Variants in GLG1 observed in about 807,000 individuals in gnomAD.
GLG1 encodes Golgi apparatus protein 1.
Under a neutral mutation model 160.5 loss-of-function variants are expected in GLG1, and 38 were observed. The ratio of observed to expected loss-of-function variants is 0.24; its 90% CI spans 0.18 to 0.31. The LOEUF (loss-of-function observed/expected upper bound fraction) is 0.31. Ranked by LOEUF, GLG1 falls within the 10% of genes least tolerant of loss-of-function variation. The pLI, the probability that GLG1 is intolerant of heterozygous loss-of-function variation, is 1.00. For synonymous variants in GLG1, 644 were observed against 543.4 expected (o/e 1.19, Z -2.57); for missense variants, 1,373 against 1,505.2 (o/e 0.91, Z 1.45).
chr16:74,556,223 T>G (rs1472975805), intron 1 of GLG1, among the ~76,000 whole-genome samples: 1 of 152,146 alleles, frequency 6.6e-6, no homozygotes, highest in Non-Finnish European at 1.5e-5. Context: ...TATAACAAAG[T>G]GAAATAGTCC....
At chr16:74,606,142 C>G (rs1028223487) in intron 1 of GLG1, among the ~76,000 whole-genome samples, 4 of 152,160 alleles carry the variant, frequency 2.6e-5, no homozygotes, top group Non-Finnish European at 5.9e-5. Flanking sequence ...TACAACTGAC[C>G]AAAGGAAGTG....
chr16:74,487,910 A>G (rs2015848883), intron 8 of GLG1, among the ~76,000 whole-genome samples: 1 of 151,902 alleles, frequency 6.6e-6, no homozygotes, highest in Non-Finnish European at 1.5e-5. Flanking sequence ...GAACTGCTAC[A>G]TGATTATACA....
intron 3 of GLG1, among the ~76,000 whole-genome samples, chr16:74,507,226 G>A (rs1364840852): frequency 1.3e-5 from 2 of 152,108 alleles, no homozygotes; most frequent in Non-Finnish European, 2.9e-5. Flanking sequence ...TACAAAACTA[G>A]AACACCCCAA....
intron 1 of GLG1, among the ~76,000 whole-genome samples, chr16:74,583,717 A>T (rs1957986921): frequency 6.6e-6 from 1 of 152,068 alleles, no homozygotes; most frequent in Non-Finnish European, 1.5e-5. Flanking sequence ...AAATTCTATC[A>T]TTCCTTCAGC....
intron 1 of GLG1, among the ~76,000 whole-genome samples, chr16:74,590,370 C>T (rs570374371): frequency 6.6e-6 from 1 of 151,978 alleles, no homozygotes; most frequent in Non-Finnish European, 1.5e-5. Context: ...GTAATCCCAG[C>T]ACTCTGGGAG....
chr16:74,539,053 C>T (rs2017762350), intron 1 of GLG1, among the ~76,000 whole-genome samples: 1 of 151,098 alleles, frequency 6.6e-6, no homozygotes, highest in Non-Finnish European at 1.5e-5. Flanking sequence ...TGAAAAGGCA[C>T]ATTCTGTGCC....
In GLG1 at chr16:74,493,011, G is replaced by A; in HGVS notation, c.1180C>T (p.Arg394Cys). Reference protein sequence around the residue: ...RCNVENLPRSREARLSYLLMC... With the variant: ...RCNVENLPRSCEARLSYLLMC... ...AACAAGTAGGAGAGCCTGGCTTCAC[G>A]CGATCGCGGAAGGTTTTCCACATTG... The change falls in exon 7 of 26, where the codon CGT becomes TGT. Residue 394 changes from arginine to cysteine, a missense_variant. Arg to Cys is a radical substitution (Grantham distance 180). This residue lies in a region of GLG1 where 386 missense variants were observed against 388.5 expected (regional missense o/e 0.99). Transcript: ENST00000422840. 3 of 1,613,690 alleles carry A rather than the reference G, an allele frequency of 1.9e-6. No homozygotes were observed. The highest frequency in any genetic ancestry group is 2.5e-6 in the Non-Finnish European group (3 of 1,179,768).
At chr16:74,568,394 AGAAGTAT>A (rs2018720165) in intron 1 of GLG1, among the ~76,000 whole-genome samples, 1 of 95,840 alleles carries the variant, frequency 1.0e-5, no homozygotes, top group Non-Finnish European at 1.9e-5. Context: ...TAAAGCAGAA[AGAAGTAT>A]CAGAATAATT....
At chr16:74,460,919 A>G (rs1284359146) in intron 22 of GLG1, among the ~76,000 whole-genome samples, 1 of 152,258 alleles carries the variant, frequency 6.6e-6, no homozygotes, top group Admixed American at 6.5e-5. Context: ...TCTCAACTTG[A>G]AAGTGTGCAC....
At chr16:74,538,213 C>T (rs2017738670) in intron 1 of GLG1, among the ~76,000 whole-genome samples, 1 of 149,876 alleles carries the variant, frequency 6.7e-6, no homozygotes. Context: ...AGTATCAGTG[C>T]TTTTACAGCC....
At chr16:74,483,274 A>G in intron 9 of GLG1, 150 bp from the exon 10 acceptor site, 1 of 596,672 alleles carries the variant, frequency 1.7e-6, no homozygotes, top group Non-Finnish European at 3.0e-6. Context: ...AAATTAACTG[A>G]ACCTGACAGT....
chr16:74,528,715 G>C (rs2017423694), intron 2 of GLG1, among the ~76,000 whole-genome samples: 1 of 147,606 alleles, frequency 6.8e-6, no homozygotes, highest in African/African-American at 2.5e-5. Flanking sequence ...AGGAGGCTGA[G>C]GCAGGAGAAT....
At chr16:74,598,684 G>A (rs1486973765) in intron 1 of GLG1, among the ~76,000 whole-genome samples, 1 of 151,522 alleles carries the variant, frequency 6.6e-6, no homozygotes, top group African/African-American at 2.4e-5. Flanking sequence ...CCTGAGGTCA[G>A]GAGTTTGAGA....
chr16:74,450,226 C>T lies in GLG1; in HGVS notation c.*2941G>A, dbSNP rs1393989063. Reference sequence around the variant, plus strand: ...GGGCTACACATCAGGAGAGTAGACACAGGCCAGAGTCCATCATCCACTCAC... The same window carrying T: ...GGGCTACACATCAGGAGAGTAGACATAGGCCAGAGTCCATCATCCACTCAC... On this transcript the variant is annotated 3_prime_UTR_variant, in exon 26 of 26. Transcript: ENST00000422840. The T allele has an allele frequency of 6.6e-6, 1 of 152,298 alleles. No homozygotes were observed. The highest frequency in any genetic ancestry group is 1.5e-5 in the Non-Finnish European group (1 of 68,086). The allele number at this position is 152,298 out of a possible 1,614,324, so 9.4% of individuals were successfully genotyped here. A position where few individuals can be genotyped will look rare whatever the true frequency, so the allele number is the denominator to read the frequency against.
rs74630125 is a variant in GLG1 at position 74,558,817 on chromosome 16, T to C, written c.439-26664A>G. ...CAATCTGTCTTCAAACATTTAATTA[T>C]GGCTTACAATAAAATAAAATTTAAC... On this transcript the variant is annotated intron_variant, in intron 1 of 25. Coordinates refer to ENST00000422840, the MANE Select transcript of GLG1 (RefSeq NM_001145667.2). 4.2e-4 allele frequency among the ~76,000 whole-genome samples: 64 copies of C among 152,364 alleles called. 1 individual carries two copies. In the East Asian group the frequency reaches 0.012, roughly 28 times the overall value.
intron 2 of GLG1, among the ~76,000 whole-genome samples, chr16:74,512,723 T>C (rs1345963436): frequency 6.7e-6 from 1 of 149,058 alleles, no homozygotes; most frequent in Non-Finnish European, 1.5e-5. Flanking sequence ...GTCAAGAAGC[T>C]CAACCACAGG....
At chr16:74,585,625 G>A (rs1296383654) in intron 1 of GLG1, among the ~76,000 whole-genome samples, 2 of 149,786 alleles carry the variant, frequency 1.3e-5, no homozygotes, top group East Asian at 3.9e-4. Flanking sequence ...GGAGAATGGC[G>A]TGAACTCAGG....
chr16:74,465,565 C>A, intron 19 of GLG1, 111 bp downstream of exon 19: 1 of 1,077,192 alleles, frequency 9.3e-7, no homozygotes, highest in Non-Finnish European at 1.4e-6. Flanking sequence ...TGCTGCTGCT[C>A]GTCTAGGGAC....
chr16:74,472,685 A>G, intron 13 of GLG1: 1 of 657,490 alleles, frequency 1.5e-6, no homozygotes, highest in Non-Finnish European at 2.5e-6. Context: ...AAACACATGT[A>G]GCAATAACAT....
Sources: gnomAD v4.1 joint callset for allele counts (sites outside exome capture counted in the v4.1 genomes callset) on GRCh38, gnomAD v4.1.1 for gene constraint, gnomAD v4.1.1 regional missense constraint, MANE v1.5 for transcripts, NCBI Gene and HGNC (gene_info 2026-07-23, HGNC 2026-07-21) for gene names.